The following AARS2 variants were observed in gnomAD, a reference collection of about 807,000 sequenced individuals.
AARS2 encodes alanyl-tRNA synthetase 2, mitochondrial.
A neutral mutation model predicts 119.7 loss-of-function variants in AARS2; 78 were observed. The ratio of observed to expected loss-of-function variants is 0.65; its 90% CI spans 0.54 to 0.79. The LOEUF (loss-of-function observed/expected upper bound fraction) is 0.79. Ranked by LOEUF, AARS2 falls within the 30% of genes least tolerant of loss-of-function variation. The pLI, the probability that AARS2 is intolerant of heterozygous loss-of-function variation, is 0.00. For synonymous variants in AARS2, 502 were observed against 526.3 expected (o/e 0.95, Z 0.63); for missense variants, 1,157 against 1,291.3 (o/e 0.90, Z 1.59).
chr6:44,310,531 G>C (rs921594993), intron 4 of AARS2, 88 bp from the exon 5 acceptor site: 4 of 1,554,888 alleles, frequency 2.6e-6, no homozygotes, highest in Non-Finnish European at 3.5e-6. Context: ...AATGGGGGGG[G>C]GCCCAAGGGA....
chr6:44,307,271 A>C lies in AARS2; in HGVS notation c.1018T>G (p.Phe340Val), dbSNP rs1356732449. The change falls in exon 6 of 22, where the codon TTC becomes GTC. Residue 340 changes from phenylalanine to valine, a missense_variant. Physicochemically the swap from Phe to Val is conservative, Grantham distance 50 (BLOSUM62 -1). Transcript: ENST00000244571. This position sits in a 1 kb window ranked among gnomAD's most constrained non-coding sequence, Gnocchi z 4.4. The part of the protein sequence containing the change: ...TLSVCISDGI[F>V]PGMSGPPLVL... ...CACGGGGGACCTGACATCCCAGGGA[A>C]GATGCCATCAGAGATGCAGACACTG... 2 of 1,613,902 alleles carry C rather than the reference A, an allele frequency of 1.2e-6. No homozygotes were observed. Among genetic ancestry groups the C allele is most frequent in the Non-Finnish European group, 1.7e-6 (2 of 1,179,992 alleles).
At position 44,307,215 on chromosome 6, in the gene AARS2, G is replaced by T. The variant is rs1785934011; in HGVS notation, c.1040+34C>A. On this transcript the variant is annotated intron_variant, in intron 6 of 21. Coordinates refer to ENST00000244571, the MANE Select transcript of AARS2 (RefSeq NM_020745.4). The surrounding 1 kb of genome is among the most constrained non-coding windows in gnomAD (Gnocchi z 4.4). ...CCTCCTCCACCTGAGACCCCCAGCA[G>T]CCCCTGTCCTCTCTGTAGCCCTTCC... 2 of 1,613,494 alleles carry T rather than the reference G, an allele frequency of 1.2e-6. No homozygotes were observed. The highest frequency in any genetic ancestry group is 1.7e-6 in the Non-Finnish European group (2 of 1,179,862).
rs1480420773 is a variant in AARS2 at position 44,313,172 on chromosome 6, C to A, written c.152G>T (p.Arg51Leu). 8.1e-6 allele frequency: 13 copies of A among 1,612,966 alleles called. No homozygotes were observed. The highest frequency in any genetic ancestry group is 1.3e-5 in the African/African-American group (1 of 75,052). ...CACCAGCCGGTGGCCATGGCGGTCC[C>A]GAAAGAAGTTCAGAAAGGCGGCCCT... is the stretch of plus-strand genomic sequence containing the variant. ...AVRAAFLNFFRDRHGHRLVPS... is the reference protein window; with the variant it reads ...AVRAAFLNFFLDRHGHRLVPS... Residue 51 changes from arginine (R) to leucine (L), a missense_variant, in exon 1 of 22, where the codon CGG (arginine) becomes CTG (leucine). Transcript: ENST00000244571.
Position 44,307,100 on chromosome 6 carries a change from G to C in AARS2, c.1041-69C>G. On this transcript the variant is annotated intron_variant, in intron 6 of 21. Coordinates refer to ENST00000244571, the MANE Select transcript of AARS2 (RefSeq NM_020745.4). This position sits in a 1 kb window ranked among gnomAD's most constrained non-coding sequence, Gnocchi z 4.4. ...GGTCAGCAATATGGGGAGTGGGAAG[G>C]ACGAGGTCCAGTGTGTGCTCCCACC... The C allele has an allele frequency of 6.3e-7, 1 of 1,597,552 alleles. No individual in the cohort carries two copies. Among genetic ancestry groups the C allele is most frequent in the South Asian group, 1.1e-5 (1 of 90,230 alleles).
At position 44,305,252 on chromosome 6, in the gene AARS2, G is replaced by A. The variant is rs1785740053; in HGVS notation, c.1435-54C>T. 1.9e-6 allele frequency: 3 copies of A among 1,601,842 alleles called. No homozygotes were observed. Among genetic ancestry groups the A allele is most frequent in the Admixed American group, 3.3e-5 (2 of 60,022 alleles). ...GTGCATGGAGAATGAAAGAATGAAA[G>A]TGGGACTTCAGCCTCGCAGGGCCCT... On this transcript the variant is annotated intron_variant, in intron 10 of 21. Coordinates refer to ENST00000244571, the MANE Select transcript of AARS2 (RefSeq NM_020745.4). This position sits in a 1 kb window ranked among gnomAD's most constrained non-coding sequence, Gnocchi z 4.6.
At chr6:44,306,144 G>C (rs1182545304) in intron 9 of AARS2, 136 bp downstream of exon 9, 2 of 873,014 alleles carry the variant, frequency 2.3e-6, no homozygotes, top group Non-Finnish European at 1.9e-6. Flanking sequence ...TATGGAAGGA[G>C]AGTCCAGGGA....
Position 44,301,437 on chromosome 6 carries a change from C to G in AARS2, c.2626G>C (p.Glu876Gln), listed in dbSNP as rs1174809613. 1.9e-6 allele frequency: 3 copies of G among 1,613,732 alleles called. No individual in the cohort carries two copies. Among genetic ancestry groups the G allele is most frequent in the Non-Finnish European group, 2.5e-6 (3 of 1,180,040 alleles). ...QAAKKTQELL[E>Q]RHSKGPLIVD... ...ATCAGAGGCCCCTTCGAGTGCCGCT[C>G]CAGCAGCTCCTGAGTTTTCTTTGCA... Residue 876 changes from glutamate to glutamine, a missense_variant, in exon 20 of 22, where the codon GAG becomes CAG. Physicochemically the swap from Glu to Gln is conservative, Grantham distance 29 (BLOSUM62 2). Transcript: ENST00000244571.
intron 16 of AARS2, 50 bp downstream of exon 16, chr6:44,303,016 G>T: frequency 6.2e-7 from 1 of 1,608,772 alleles, no homozygotes; most frequent in Non-Finnish European, 8.5e-7. Context: ...ACCAAGGGAA[G>T]GGCAAGGATC....
rs772184730 is a variant in AARS2 at position 44,300,546 on chromosome 6, G to A, written c.*1C>T. On this transcript the variant is annotated 3_prime_UTR_variant, in exon 22 of 22. Coordinates refer to ENST00000244571, the MANE Select transcript of AARS2 (RefSeq NM_020745.4). ...CATGTGGGTCCCTGGGCGGACCTGGGTCAGAGCTGGCTGAGGGCATAGGTT... is the reference window on the plus strand; with the variant it reads ...CATGTGGGTCCCTGGGCGGACCTGGATCAGAGCTGGCTGAGGGCATAGGTT... 31 of 1,613,888 alleles carry A rather than the reference G, an allele frequency of 1.9e-5. No homozygotes were observed. The highest frequency in any genetic ancestry group is 2.6e-5 in the Non-Finnish European group (31 of 1,180,044).
chr6:44,301,190 A>G lies in AARS2; in HGVS notation c.2759T>C (p.Met920Thr). The G allele has an allele frequency of 6.2e-7, 1 of 1,613,694 alleles. No homozygotes were observed. Among genetic ancestry groups the G allele is most frequent in the South Asian group, 1.1e-5 (1 of 91,056 alleles). Residue 920 changes from methionine to threonine, a missense_variant, in exon 21 of 22, where the codon ATG (methionine) becomes ACG (threonine). Coordinates refer to ENST00000244571, the MANE Select transcript of AARS2 (RefSeq NM_020745.4). ...CTGACAGGCACACAGCACCTTCCCCATGGGCTGGGGGCTGAGTAGGAGCAC... is the reference window on the plus strand; with the variant it reads ...CTGACAGGCACACAGCACCTTCCCCGTGGGCTGGGGGCTGAGTAGGAGCAC... Reference protein sequence around the residue: ...TSVLLLSPQPMGKVLCACQVA... With the variant: ...TSVLLLSPQPTGKVLCACQVA...
Position 44,306,996 on chromosome 6 carries a change from C to A in AARS2, c.1076G>T (p.Arg359Leu). 1 of 1,614,074 alleles carries A rather than the reference C, an allele frequency of 6.2e-7. No individual in the cohort carries two copies. The highest frequency in any genetic ancestry group is 8.5e-7 in the Non-Finnish European group (1 of 1,179,988). Residue 359 changes from arginine (R) to leucine (L), a missense_variant, in exon 7 of 22, where the codon CGT becomes CTT. Arg to Leu is a moderately radical substitution (Grantham distance 102). Coordinates refer to ENST00000244571, the MANE Select transcript of AARS2 (RefSeq NM_020745.4). ...VLRRILRRAV[R>L]FSMEILKAPP... ...TGCCTTTAAGATCTCCATGGAGAAA[C>A]GCACAGCTCGACGCAGGATCCGACG...
chr6:44,309,720 T>C (rs1395876610), intron 5 of AARS2, among the ~76,000 whole-genome samples: 1 of 152,156 alleles, frequency 6.6e-6, no homozygotes, highest in African/African-American at 2.4e-5. Flanking sequence ...ATCTTTGATT[T>C]CTCTTTCCCC....
chr6:44,305,912 C>A lies in AARS2; in HGVS notation c.1301-126G>T. 8.5e-7 allele frequency: 1 copy of A among 1,175,226 alleles called. No individual in the cohort carries two copies. The highest frequency in any genetic ancestry group is 1.2e-6 in the Non-Finnish European group (1 of 800,044). 72.8% of individuals were successfully genotyped at this position (1,175,226 alleles called of 1,614,324 possible). On this transcript the variant is annotated intron_variant, in intron 9 of 21. Coordinates refer to ENST00000244571, the MANE Select transcript of AARS2 (RefSeq NM_020745.4). The surrounding 1 kb of genome is among the most constrained non-coding windows in gnomAD (Gnocchi z 4.6). Reference sequence around the variant, plus strand: ...CAGATGCCAAACACAAATACCCGCTCCATACTGGGTAGCCTCAGGAGAGGG... The same window carrying A: ...CAGATGCCAAACACAAATACCCGCTACATACTGGGTAGCCTCAGGAGAGGG...
intron 4 of AARS2, 135 bp downstream of exon 4, chr6:44,310,859 T>G: frequency 9.5e-7 from 1 of 1,055,812 alleles, no homozygotes. Context: ...ATCTATAAGG[T>G]GTTGAGAATT....
In AARS2 at chr6:44,307,016, C is replaced by T; in HGVS notation, c.1056G>A (p.Arg352=). 5 of 1,614,114 alleles carry T rather than the reference C, an allele frequency of 3.1e-6. No individual in the cohort carries two copies. Among genetic ancestry groups the T allele is most frequent in the Non-Finnish European group, 4.2e-6 (5 of 1,180,000 alleles). ...GMSGPPLVLR[R]ILRRAVRFSM... ...AGAAACGCACAGCTCGACGCAGGAT[C>T]CGACGAAGAACCAGCCTAAAGGGGT... Residue 352 remains arginine, a synonymous_variant, in exon 7 of 22, where the codon CGG becomes CGA. Coordinates refer to ENST00000244571, the MANE Select transcript of AARS2 (RefSeq NM_020745.4). The surrounding 1 kb of genome is among the most constrained non-coding windows in gnomAD (Gnocchi z 4.4).
chr6:44,304,068 TGGCCGTGCTG>T, intron 14 of AARS2, 103 bp downstream of exon 14: 1 of 1,495,456 alleles, frequency 6.7e-7, no homozygotes. Context: ...AGTGATTGGG[TGGCCGTGCTG>T]GGCCTAGAGC....
intron 21 of AARS2, chr6:44,300,922 A>G (rs999216975): frequency 2.0e-5 from 15 of 739,556 alleles, no homozygotes; most frequent in Non-Finnish European, 3.4e-5. Context: ...ACTTGTTTAC[A>G]AGGGATGTGA....
rs1161432791 is a variant in AARS2 at position 44,305,053 on chromosome 6, C to T, written c.1579+1G>A. 1.2e-6 allele frequency: 2 copies of T among 1,613,950 alleles called. No individual in the cohort carries two copies. Among genetic ancestry groups the T allele is most frequent in the Non-Finnish European group, 1.7e-6 (2 of 1,180,016 alleles). ...CGGCAGGCCTTGGTCCAGGCTCTCA[C>T]CATAACTTCCGCTGGGTCGCAGGGA... On this transcript the variant is annotated splice_donor_variant, in intron 11 of 21. Coordinates refer to ENST00000244571, the MANE Select transcript of AARS2 (RefSeq NM_020745.4). LOFTEE classifies it high-confidence loss of function. The surrounding 1 kb of genome is among the most constrained non-coding windows in gnomAD (Gnocchi z 4.6).
At chr6:44,303,027 C>G (rs79389653) in intron 16 of AARS2, 39 bp downstream of exon 16, 5 of 1,611,446 alleles carry the variant, frequency 3.1e-6, no homozygotes, top group Non-Finnish European at 4.2e-6. Context: ...GGCAAGGATC[C>G]GGGGCCCCTG....
Sources: allele counts gnomAD v4.1 joint callset (sites outside exome capture counted in the v4.1 genomes callset), GRCh38; gene constraint gnomAD v4.1.1; non-coding constraint Gnocchi (gnomAD v3.1); transcripts MANE v1.5; gene names NCBI Gene and HGNC (gene_info 2026-07-23, HGNC 2026-07-21).